DAB1: variants seen among roughly 807,000 people sequenced by gnomAD.
The protein encoded by DAB1 is disabled homolog 1.
A neutral mutation model predicts 64.6 loss-of-function variants in DAB1; 15 were observed. The observed-to-expected ratio is 0.23, with a 90% CI of 0.16 to 0.36. DAB1 has a LOEUF of 0.36. DAB1 is among the 10% of genes least tolerant of loss of function. The pLI, the probability that DAB1 is intolerant of heterozygous loss-of-function variation, is 1.00. For synonymous variants in DAB1, 235 were observed against 251.9 expected, an observed-to-expected ratio of 0.93 and a Z score of 0.64; for missense variants, 596 against 706.7, an observed-to-expected ratio of 0.84 and a Z score of 1.78.
At chr1:58,023,289 C>G (rs745749658) in intron 5 of DAB1, among the ~76,000 whole-genome samples, 1 of 152,092 alleles carries the variant, frequency 6.6e-6, no homozygotes, top group East Asian at 1.9e-4. Flanking sequence ...AGCCCACAGC[C>G]AGAAACACAC....
intron 1 of DAB1, among the ~76,000 whole-genome samples, chr1:57,422,454 G>A (rs1322295526): frequency 2.0e-5 from 3 of 152,148 alleles, no homozygotes; most frequent in East Asian, 3.9e-4. Context: ...TCTTTCTAAT[G>A]GAGCTAAACA....
intron 3 of DAB1, among the ~76,000 whole-genome samples, chr1:57,137,886 T>C (rs1338872393): frequency 6.6e-6 from 1 of 152,138 alleles, no homozygotes; most frequent in East Asian, 1.9e-4. Flanking sequence ...CCTTGGGTAT[T>C]GGAAATATTC....
At chr1:58,326,873 C>A in intron 4 of DAB1, among the ~76,000 whole-genome samples, 1 of 152,326 alleles carries the variant, frequency 6.6e-6, no homozygotes, top group South Asian at 2.1e-4. Context: ...TGCCAGATCC[C>A]TGGCAAGTAA....
At chr1:58,300,634 GAGAGAGAGAGAGA>G (rs1557726201) in intron 4 of DAB1, among the ~76,000 whole-genome samples, 2 of 64,392 alleles carry the variant, frequency 3.1e-5, no homozygotes, top group African/African-American at 1.0e-4. Context: ...GAGAGAGAGA[GAGAGAGAGAGAGA>G]GGAAGGAAGG....
At chr1:57,307,622 C>T (rs1216780011) in intron 1 of DAB1, among the ~76,000 whole-genome samples, 1 of 152,060 alleles carries the variant, frequency 6.6e-6, no homozygotes, top group Non-Finnish European at 1.5e-5. Flanking sequence ...GGACCACACC[C>T]CGTTTCCTGT....
At chr1:57,937,087 C>T (rs904495083) in intron 5 of DAB1, among the ~76,000 whole-genome samples, 1 of 151,978 alleles carries the variant, frequency 6.6e-6, no homozygotes, top group Non-Finnish European at 1.5e-5. Context: ...AAAGCAGATG[C>T]CTTGTCTTGT....
intron 4 of DAB1, among the ~76,000 whole-genome samples, chr1:58,301,843 A>C (rs188286721): frequency 5.0e-4 from 76 of 152,318 alleles, no homozygotes; most frequent in Non-Finnish European, 1.0e-3. Context: ...TCTGTAAAAT[A>C]AGAAAAATAA....
At chr1:57,189,028 A>G (rs564310358) in intron 2 of DAB1, among the ~76,000 whole-genome samples, 2 of 152,272 alleles carry the variant, frequency 1.3e-5, no homozygotes, top group South Asian at 4.2e-4. Flanking sequence ...GGTGGGGAGT[A>G]GAAATTCCAA....
At chr1:57,409,606 C>T (rs766338348) in intron 1 of DAB1, among the ~76,000 whole-genome samples, 14 of 152,108 alleles carry the variant, frequency 9.2e-5, no homozygotes, top group Non-Finnish European at 1.8e-4. Flanking sequence ...GTCAGGAATT[C>T]GAGACCAGCC....
chr1:58,355,436 A>G (rs1644100830), intron 3 of DAB1, among the ~76,000 whole-genome samples: 3 of 152,222 alleles, frequency 2.0e-5, no homozygotes, highest in South Asian at 2.1e-4. Flanking sequence ...GGAAGAGTTT[A>G]ATTTTTTTTC....
chr1:57,232,823 A>T (rs1667785088), intron 2 of DAB1, among the ~76,000 whole-genome samples: 1 of 152,188 alleles, frequency 6.6e-6, no homozygotes, highest in African/African-American at 2.4e-5. Flanking sequence ...ACCACAAGCA[A>T]TGGAAACTAA....
rs74077318 is a variant in DAB1 at position 57,033,701 on chromosome 1, C to T, written c.724-7658G>A. On this transcript the variant is annotated intron_variant, in intron 9 of 14. Coordinates refer to ENST00000371236, the MANE Select transcript of DAB1 (RefSeq NM_001365792.1). ...GGTCTCAGTAGGCGGGAGCTGTTTC[C>T]AATGTCTGTGAAAATCTTGGAATAT... 1,209 of 862,020 alleles carry T rather than the reference C, an allele frequency of 1.4e-3. 11 individuals are homozygous for T. In the African/African-American group the frequency reaches 0.017, roughly 12 times the overall value. The allele number at this position is 862,020 out of a possible 1,614,324, so 53.4% of individuals were successfully genotyped here. A position where few individuals can be genotyped will look rare whatever the true frequency, so the allele number is the denominator to read the frequency against.
intron 1 of DAB1, among the ~76,000 whole-genome samples, chr1:57,831,068 C>T (rs1652562949): frequency 6.6e-6 from 1 of 152,144 alleles, no homozygotes; most frequent in Admixed American, 6.5e-5. Flanking sequence ...CGCCCGCCAC[C>T]ATGCTGGCTA....
intron 5 of DAB1, among the ~76,000 whole-genome samples, chr1:58,143,292 C>T (rs1350063068): frequency 1.3e-5 from 2 of 152,046 alleles, no homozygotes; most frequent in East Asian, 3.9e-4. Context: ...AAAGAAGATG[C>T]CTAAAGAAGC....
intron 3 of DAB1, among the ~76,000 whole-genome samples, chr1:58,470,011 T>C (rs940911292): frequency 1.3e-5 from 2 of 152,010 alleles, no homozygotes; most frequent in Non-Finnish European, 2.9e-5. Flanking sequence ...TCATCTCATT[T>C]ACTCTTCACA....
At chr1:57,109,082 T>C (rs1312052397) in intron 4 of DAB1, among the ~76,000 whole-genome samples, 1 of 152,198 alleles carries the variant, frequency 6.6e-6, no homozygotes, top group African/African-American at 2.4e-5. Context: ...GTGTCTGTAT[T>C]TGGCATATGA....
At chr1:58,300,646 G>GAGAGAGAAAGGA (rs1662140791) in intron 4 of DAB1, among the ~76,000 whole-genome samples, 1 of 57,292 alleles carries the variant, frequency 1.7e-5, no homozygotes, top group Admixed American at 1.8e-4. Context: ...GAGAGAGAGA[G>GAGAGAGAAAGGA]AGGAAGGAAG....
At chr1:58,308,235 G>C (rs747195476) in intron 4 of DAB1, among the ~76,000 whole-genome samples, 2 of 152,100 alleles carry the variant, frequency 1.3e-5, no homozygotes, top group Non-Finnish European at 2.9e-5. Flanking sequence ...GGGAAGGCCT[G>C]ACCTCAAAAG....
At chr1:57,989,748 C>T (rs1297014160) in intron 5 of DAB1, among the ~76,000 whole-genome samples, 1 of 152,128 alleles carries the variant, frequency 6.6e-6, no homozygotes. Context: ...TGCACCAGGA[C>T]ATTGATTTCT....
Sources: allele counts gnomAD v4.1 joint callset (sites outside exome capture counted in the v4.1 genomes callset), GRCh38; gene constraint gnomAD v4.1.1; transcripts MANE v1.5; gene names NCBI Gene and HGNC (gene_info 2026-07-23, HGNC 2026-07-21).